Variants in DNM3 observed in about 807,000 individuals in gnomAD.
DNM3 encodes the protein dynamin-3.
DNM3 carries 47 observed loss-of-function variants against 101.6 expected under a neutral mutation model. That is an observed-to-expected ratio of 0.46 (90% confidence interval 0.37 to 0.59). DNM3 has a LOEUF of 0.59. Ranked by LOEUF, DNM3 falls within the 20% of genes least tolerant of loss-of-function variation. The pLI, the probability that DNM3 is intolerant of heterozygous loss-of-function variation, is 0.00. For missense variants in DNM3, 849 were observed against 1,085.7 expected, an observed-to-expected ratio of 0.78 and a Z score of 3.06; for synonymous variants, 385 against 387.9, an observed-to-expected ratio of 0.99 and a Z score of 0.09.
intron 2 of DNM3, among the ~76,000 whole-genome samples, chr1:171,978,602 GAAAACCAAT>G (rs781662382): frequency 4.7e-4 from 71 of 152,308 alleles, no homozygotes; most frequent in South Asian, 1.4e-3. Flanking sequence ...AAATGTACTG[GAAAACCAAT>G]AAAAGGCTTT....
intron 13 of DNM3, among the ~76,000 whole-genome samples, chr1:172,096,574 G>T (rs1050770066): frequency 1.3e-5 from 2 of 152,180 alleles, no homozygotes; most frequent in African/African-American, 4.8e-5. Flanking sequence ...CAAGATTTAT[G>T]ATTTAGGTAC....
At chr1:172,044,775 T>C (rs1019288491) in intron 9 of DNM3, among the ~76,000 whole-genome samples, 3 of 152,170 alleles carry the variant, frequency 2.0e-5, no homozygotes, top group Non-Finnish European at 4.4e-5. Context: ...TAATTAATCA[T>C]TACTTACACC....
At chr1:171,948,061 C>T (rs2042275880) in intron 2 of DNM3, among the ~76,000 whole-genome samples, 1 of 152,158 alleles carries the variant, frequency 6.6e-6, no homozygotes, top group South Asian at 2.1e-4. Flanking sequence ...AGGGTTAGCA[C>T]CTAATGGTAA....
At chr1:171,883,532 C>T (rs1186856983) in intron 1 of DNM3, among the ~76,000 whole-genome samples, 1 of 151,490 alleles carries the variant, frequency 6.6e-6, no homozygotes, top group African/African-American at 2.4e-5. Context: ...AGTGTAATAG[C>T]GCGATCTCGG....
At chr1:171,900,610 G>T (rs1437497035) in intron 1 of DNM3, among the ~76,000 whole-genome samples, 2 of 152,154 alleles carry the variant, frequency 1.3e-5, no homozygotes, top group Non-Finnish European at 2.9e-5. Flanking sequence ...CTGAATTTCA[G>T]CAGGGCAGCA....
intron 4 of DNM3, among the ~76,000 whole-genome samples, chr1:171,991,090 C>T (rs61805846): frequency 0.014 from 2,188 of 152,218 alleles, 32 homozygotes; most frequent in Non-Finnish European, 0.025. Context: ...ACGTAGTCCA[C>T]GTAGAAAAAA....
rs79743697 is a variant in DNM3, at chr1:172,329,643, G to A, written c.1893+6303G>A. Among the ~76,000 whole-genome samples, 551 of 152,178 alleles carry A rather than the reference G, an allele frequency of 3.6e-3. 12 individuals carry two copies. The highest frequency in any genetic ancestry group is 0.033 in the East Asian group (170 of 5,182). ...ACATACAAATTTAAAGCTTTCGTAT[G>A]AGACAGTAGAGTTAAAAGGCAAAAG... On this transcript the variant is annotated intron_variant, in intron 17 of 20. Transcript: ENST00000627582.
chr1:172,092,848 T>A lies in DNM3; in HGVS notation c.1518T>A (p.Val506=). 6.4e-7 allele frequency: 1 copy of A among 1,560,066 alleles called. No individual in the cohort carries two copies. The highest frequency in any genetic ancestry group is 1.2e-5 in the South Asian group (1 of 84,462). Residue 506 remains valine (V), a synonymous_variant, in exon 13 of 21, where the codon GTT becomes GTA. Coordinates refer to ENST00000627582, the MANE Select transcript of DNM3 (RefSeq NM_015569.5). ...FANAQQRSSQ[V]HKKTTVGNQV... is the part of the protein sequence containing the mutation. Reference sequence around the variant, plus strand: ...GTGCTCAGCAGAGGAGCAGTCAGGTTCACAAGAAAACCACAGTTGGAAATC... The same window carrying A: ...GTGCTCAGCAGAGGAGCAGTCAGGTACACAAGAAAACCACAGTTGGAAATC...
At chr1:172,328,265 C>T (rs1185136429) in intron 17 of DNM3, among the ~76,000 whole-genome samples, 1 of 152,160 alleles carries the variant, frequency 6.6e-6, no homozygotes, top group Non-Finnish European at 1.5e-5. Context: ...TTTGCTCTCA[C>T]ATATTGTAAT....
At chr1:171,966,918 G>T (rs1470132956) in intron 2 of DNM3, among the ~76,000 whole-genome samples, 8 of 152,206 alleles carry the variant, frequency 5.3e-5, no homozygotes, top group Admixed American at 2.6e-4. Context: ...CTTCTGTTCA[G>T]TCATTGAGTC....
intron 16 of DNM3, among the ~76,000 whole-genome samples, chr1:172,315,749 A>C (rs2065309954): frequency 6.6e-6 from 1 of 152,240 alleles, no homozygotes; most frequent in Admixed American, 6.5e-5. Context: ...GAAAAGACCA[A>C]ATCTGCGTCT....
Position 172,270,707 on chromosome 1 carries a change from C to T in DNM3, c.1769+17025C>T, listed in dbSNP as rs1009879877. ...GTCACACTCTGCAGCTAACTCTGAG[C>T]AGATGCATAGTTTCATGAAGAAAAT... On this transcript the variant is annotated intron_variant, in intron 15 of 20. Coordinates refer to ENST00000627582, the MANE Select transcript of DNM3 (RefSeq NM_015569.5). 2.0e-5 allele frequency among the ~76,000 whole-genome samples: 3 copies of T among 152,240 alleles called. No homozygotes were observed. The East Asian group carries it at 5.8e-4, about 29-fold the overall frequency.
intron 17 of DNM3, among the ~76,000 whole-genome samples, chr1:172,372,781 T>C (rs1027844220): frequency 2.1e-5 from 3 of 142,540 alleles, no homozygotes; most frequent in Admixed American, 7.7e-5. Context: ...CCTCCCAGGC[T>C]CAAGTGATCC....
intron 6 of DNM3, among the ~76,000 whole-genome samples, chr1:172,036,910 A>G (rs12063328): frequency 8.5e-5 from 13 of 152,188 alleles, no homozygotes; most frequent in South Asian, 4.1e-4. Context: ...ACAAAGGGCT[A>G]ATATCCAGAA....
chr1:172,263,393 G>T (rs1412043650), intron 15 of DNM3, among the ~76,000 whole-genome samples: 1 of 152,138 alleles, frequency 6.6e-6, no homozygotes, highest in African/African-American at 2.4e-5. Flanking sequence ...ATTCTGTTAT[G>T]CATTCCAAAG....
Position 172,112,298 on chromosome 1 carries a change from G to A in DNM3, c.1546-18877G>A, listed in dbSNP as rs113485093. On this transcript the variant is annotated intron_variant, in intron 13 of 20. Transcript: ENST00000627582. Reference sequence around the variant, plus strand: ...GACTGAGGTAACTGGGGCACAGAGAGGTTGGATAACTTGTCTGGGGTGACA... The same window carrying A: ...GACTGAGGTAACTGGGGCACAGAGAAGTTGGATAACTTGTCTGGGGTGACA... Among the ~76,000 whole-genome samples, 100 of 152,342 alleles carry A rather than the reference G, an allele frequency of 6.6e-4. 1 individual carries two copies. The highest frequency in any genetic ancestry group is 2.1e-3 in the African/African-American group (88 of 41,570).
intron 1 of DNM3, among the ~76,000 whole-genome samples, chr1:171,894,437 C>T (rs994526473): frequency 6.6e-6 from 1 of 152,072 alleles, no homozygotes. Flanking sequence ...CAGAATCTCT[C>T]TGTGTCTCCC....
At chr1:172,052,245 A>G (rs541997357) in intron 10 of DNM3, among the ~76,000 whole-genome samples, 22 of 152,212 alleles carry the variant, frequency 1.4e-4, no homozygotes, top group Admixed American at 3.3e-4. Flanking sequence ...GTCTCTGTTG[A>G]GATAGTATTC....
intron 17 of DNM3, among the ~76,000 whole-genome samples, chr1:172,344,752 GT>G (rs2066854933): frequency 6.6e-6 from 1 of 152,168 alleles, no homozygotes; most frequent in Non-Finnish European, 1.5e-5. Flanking sequence ...TTCTCACAGT[GT>G]TTTATGATGA....
Sources: allele counts gnomAD v4.1 joint callset (sites outside exome capture counted in the v4.1 genomes callset), GRCh38; gene constraint gnomAD v4.1.1; transcripts MANE v1.5; gene names NCBI Gene and HGNC (gene_info 2026-07-23, HGNC 2026-07-21).